Variants in COL3A1 observed in about 807,000 individuals in gnomAD.
COL3A1 encodes collagen alpha-1(III) chain.
In COL3A1, 46 loss-of-function variants were observed where a neutral mutation model predicts 200.9. The observed-to-expected ratio is 0.23, with a 90% CI of 0.18 to 0.29. The LOEUF (loss-of-function observed/expected upper bound fraction) is 0.29. Among genes scored for constraint, COL3A1 ranks in the 10% least tolerant of loss-of-function variants. COL3A1 has a pLI of 1.00. For missense variants in COL3A1, 1,367 were observed against 1,917.6 expected (o/e 0.71, Z 5.36); for synonymous variants, 650 against 628.0 (o/e 1.03, Z -0.52).
chr2:189,011,317 T>G (rs1030673684), intron 50 of COL3A1, among the ~76,000 whole-genome samples: 1 of 152,250 alleles, frequency 6.6e-6, no homozygotes, highest in African/African-American at 2.4e-5. Context: ...GTGAGAGACC[T>G]ATCCTCTTTT....
chr2:188,999,842 G>T lies in COL3A1; in HGVS notation c.2230G>T (p.Gly744Cys). 6.3e-7 allele frequency: 1 copy of T among 1,594,976 alleles called. No individual in the cohort carries two copies. Among genetic ancestry groups the T allele is most frequent in the Non-Finnish European group, 8.5e-7 (1 of 1,171,830 alleles). Reference sequence around the variant, plus strand: ...GATGACATTGGCTTTTATTTGACAGGGTGAACCAGGCGGTCCAGGTGCTGA... The same window carrying T: ...GATGACATTGGCTTTTATTTGACAGTGTGAACCAGGCGGTCCAGGTGCTGA... Reference protein sequence around the residue: ...LGSPGPKGDKGEPGGPGADGV... With the variant: ...LGSPGPKGDKCEPGGPGADGV... The change falls in exon 32 of 51, where the codon GGT becomes TGT. Residue 744 changes from glycine (G) to cysteine (C), a missense_variant and splice_region_variant. Gly to Cys is a radical substitution (Grantham distance 159). Around this residue, in one of 5 missense-constraint regions of COL3A1, gnomAD observed 846 missense variants for 1,147.9 expected, o/e 0.74. Coordinates refer to ENST00000304636, the MANE Select transcript of COL3A1 (RefSeq NM_000090.4).
Position 188,997,703 on chromosome 2 carries a change from C to T in COL3A1, c.1873C>T (p.Pro625Ser), listed in dbSNP as rs747419192. ...GTGTATCATTATACTTTTCTAGGGG[C>T]CTGGTGGTGACAAAGGAGACACAGG... Reference protein sequence around the residue: ...GPQGPPGPTGPGGDKGDTGPP... With the variant: ...GPQGPPGPTGSGGDKGDTGPP... Residue 625 changes from proline (P) to serine (S), a missense_variant, in exon 27 of 51, where the codon CCT (proline) becomes TCT (serine). This residue lies in a region of COL3A1 where 846 missense variants were observed against 1,147.9 expected (regional missense o/e 0.74). Coordinates refer to ENST00000304636, the MANE Select transcript of COL3A1 (RefSeq NM_000090.4). 9 of 1,613,304 alleles carry T rather than the reference C, an allele frequency of 5.6e-6. No individual in the cohort carries two copies. The highest frequency in any genetic ancestry group is 6.8e-6 in the Non-Finnish European group (8 of 1,179,508).
Position 189,008,282 on chromosome 2 carries a change from C to G in COL3A1, c.3525+140C>G. ...TAGAAACTGAACAATGACTTTAAGA[C>G]ATTCTCCATCACATTAAAAATGTTT... On this transcript the variant is annotated intron_variant, in intron 47 of 50. Transcript: ENST00000304636. 4.0e-6 allele frequency: 3 copies of G among 755,874 alleles called. No homozygotes were observed. In the South Asian group the frequency reaches 4.6e-5, roughly 12 times the overall value. The allele number at this position is 755,874 out of a possible 1,614,324, so 46.8% of individuals were successfully genotyped here.
intron 7 of COL3A1, 76 bp from the exon 8 acceptor site, chr2:188,989,320 A>C (rs919435300): frequency 2.8e-6 from 3 of 1,070,710 alleles, no homozygotes; most frequent in Non-Finnish European, 4.1e-6. Flanking sequence ...CCTTCCAGGA[A>C]TACATACACT....
At chr2:189,010,596 C>T (rs972306081) in intron 49 of COL3A1, 52 bp from the exon 50 acceptor site, 29 of 1,611,894 alleles carry the variant, frequency 1.8e-5, no homozygotes, top group Admixed American at 1.5e-4. Flanking sequence ...GAATCCCTCG[C>T]GTGCAGTTAC....
rs1432052308 is a variant in COL3A1 at position 189,007,951 on chromosome 2, G to C, written c.3417+13G>C. ...TGCAGGCCCCAGAGTAAGTAGCACA[G>C]AAAGATATTACAGGTCCACATGTTT... is the stretch of plus-strand genomic sequence containing the variant. On this transcript the variant is annotated intron_variant, in intron 46 of 50. Transcript: ENST00000304636. The C allele has an allele frequency of 1.2e-6, 2 of 1,614,152 alleles. No individual in the cohort carries two copies. The highest frequency in any genetic ancestry group is 1.7e-6 in the Non-Finnish European group (2 of 1,180,024).
chr2:188,985,897 G>A, intron 4 of COL3A1, 119 bp downstream of exon 4: 1 of 734,206 alleles, frequency 1.4e-6, no homozygotes, highest in Non-Finnish European at 2.4e-6. Flanking sequence ...CTGATTCAGT[G>A]TATTTAATAA....
In COL3A1 at chr2:188,989,307, G is replaced by T. The variant is rs924961472; in HGVS notation, c.637-89G>T. 6.6e-6 allele frequency: 6 copies of T among 906,980 alleles called. No individual in the cohort carries two copies. In the African/African-American group the frequency reaches 6.8e-5, roughly 10 times the overall value. 56.2% of individuals were successfully genotyped at this position (906,980 alleles called of 1,614,324 possible). On this transcript the variant is annotated intron_variant, in intron 7 of 50. Coordinates refer to ENST00000304636, the MANE Select transcript of COL3A1 (RefSeq NM_000090.4). ...CATTAAAAGTATTTTCTAAAAGGAGGTTCCTTCCAGGAATACATACACTGT... is the reference window on the plus strand; with the variant it reads ...CATTAAAAGTATTTTCTAAAAGGAGTTTCCTTCCAGGAATACATACACTGT...
chr2:188,998,251 T>C lies in COL3A1; in HGVS notation c.1924-15T>C. 7 of 1,611,556 alleles carry C rather than the reference T, an allele frequency of 4.3e-6. No individual in the cohort carries two copies. The highest frequency in any genetic ancestry group is 5.9e-6 in the Non-Finnish European group (7 of 1,177,926). On this transcript the variant is annotated splice_polypyrimidine_tract_variant and intron_variant, in intron 27 of 50. Transcript: ENST00000304636. ...GTTTGAGGTAATTACCTAATACAAA[T>C]ATGATTCTTTCTAGGGCTTGCCTGG...
chr2:188,983,192 A>C (rs1687990720), intron 1 of COL3A1, among the ~76,000 whole-genome samples: 1 of 151,974 alleles, frequency 6.6e-6, no homozygotes, highest in Admixed American at 6.6e-5. Flanking sequence ...GGGAGGAATT[A>C]GAATAAATTT....
chr2:188,976,037 A>T lies in COL3A1; in HGVS notation c.79+1469A>T, dbSNP rs1286037165. On this transcript the variant is annotated intron_variant, in intron 1 of 50. Coordinates refer to ENST00000304636, the MANE Select transcript of COL3A1 (RefSeq NM_000090.4). Reference sequence around the variant, plus strand: ...CCTCCTCACCCTTTCTTTCCCCTGAACTCTCAATCCTTCTTCCTTTCTCAT... The same window carrying T: ...CCTCCTCACCCTTTCTTTCCCCTGATCTCTCAATCCTTCTTCCTTTCTCAT... 2.0e-5 allele frequency among the ~76,000 whole-genome samples: 3 copies of T among 149,016 alleles called. No individual in the cohort carries two copies. The East Asian group carries it at 6.0e-4, about 30-fold the overall frequency.
In COL3A1 at chr2:188,985,743, C is replaced by G. The variant is rs929037058; in HGVS notation, c.412C>G (p.Pro138Ala). The change falls in exon 4 of 51, where the codon CCT (proline) becomes GCT (alanine). Residue 138 changes from proline to alanine, a missense_variant. By Grantham distance (27) the Pro-to-Ala change is conservative. This residue lies in a region of COL3A1 where 462 missense variants were observed against 681.4 expected (regional missense o/e 0.68). Transcript: ENST00000304636. ...AGGGTCCCCTGGTTCTCCTGGCCCC[C>G]CTGGAATCTGTGAATCATGCCCTAC... ...QPGSPGSPGPPGICESCPTGP... is the reference protein window; with the variant it reads ...QPGSPGSPGPAGICESCPTGP... 2.5e-6 allele frequency: 4 copies of G among 1,611,704 alleles called. No individual in the cohort carries two copies. The highest frequency in any genetic ancestry group is 1.3e-5 in the African/African-American group (1 of 74,756).
chr2:188,994,021 G>GT lies in COL3A1; in HGVS notation c.1150-11dup. The GT allele has an allele frequency of 6.2e-7, 1 of 1,612,216 alleles. No homozygotes were observed. The highest frequency in any genetic ancestry group is 8.5e-7 in the Non-Finnish European group (1 of 1,178,468). ...TTGCATTACTATTAATACATTATCT[G>GT]TTTTTTGTATACTTAGGGCCCTCCT... On this transcript the variant is annotated splice_polypyrimidine_tract_variant and intron_variant, in intron 16 of 50. Coordinates refer to ENST00000304636, the MANE Select transcript of COL3A1 (RefSeq NM_000090.4). This position sits in a 1 kb window ranked among gnomAD's most constrained non-coding sequence, Gnocchi z 4.5.
At chr2:189,003,929 G>A in intron 38 of COL3A1, 53 bp from the exon 39 acceptor site, 1 of 1,565,588 alleles carries the variant, frequency 6.4e-7, no homozygotes, top group Non-Finnish European at 8.7e-7. Flanking sequence ...AAAAAAGAAA[G>A]AAAAAATGCA....
intron 47 of COL3A1, chr2:189,008,346 A>C: frequency 1.7e-6 from 1 of 598,414 alleles, no homozygotes. Flanking sequence ...CTTTTTAAAA[A>C]TTTGATCAGG....
chr2:188,985,025 T>A (rs1383429004), intron 2 of COL3A1, 63 bp downstream of exon 2: 14 of 1,520,836 alleles, frequency 9.2e-6, no homozygotes, highest in Non-Finnish European at 1.1e-5. Context: ...ATAGCTCCTA[T>A]ATCATAGGAG....
rs58220378 is a variant in COL3A1 at position 188,989,623 on chromosome 2, T to C, written c.690+174T>C. 0.11 allele frequency among the ~76,000 whole-genome samples: 17,123 copies of C among 152,102 alleles called. 2,291 individuals carry two copies. The highest frequency in any genetic ancestry group is 0.33 in the African/African-American group (13,613 of 41,412). ...TGAGTAGCTATACAGTATTTGCGTT[T>C]CTATATATATCATTTGTTGAATTCC... On this transcript the variant is annotated intron_variant, in intron 8 of 50. Coordinates refer to ENST00000304636, the MANE Select transcript of COL3A1 (RefSeq NM_000090.4).
intron 1 of COL3A1, among the ~76,000 whole-genome samples, chr2:188,975,622 T>G (rs1429019759): frequency 6.6e-6 from 1 of 152,150 alleles, no homozygotes; most frequent in Admixed American, 6.5e-5. Context: ...GCATGAAAAT[T>G]TGGTTTTTGT....
Position 189,003,116 on chromosome 2 carries a change from A to G in COL3A1, c.2553+54A>G, listed in dbSNP as rs549435324. 4.4e-6 allele frequency: 6 copies of G among 1,372,916 alleles called. No homozygotes were observed. The East Asian group carries it at 7.5e-5, about 17-fold the overall frequency. 85.0% of individuals were successfully genotyped at this position (1,372,916 alleles called of 1,614,324 possible). Reference sequence around the variant, plus strand: ...CTATCTATCATCTATCTATCTATTGATTATCTGTCTATCTCTCCCTCTCTC... The same window carrying G: ...CTATCTATCATCTATCTATCTATTGGTTATCTGTCTATCTCTCCCTCTCTC... On this transcript the variant is annotated intron_variant, in intron 36 of 50. Coordinates refer to ENST00000304636, the MANE Select transcript of COL3A1 (RefSeq NM_000090.4).
Sources: gnomAD v4.1 joint callset for allele counts (sites outside exome capture counted in the v4.1 genomes callset) on GRCh38, gnomAD v4.1.1 for gene constraint, gnomAD v4.1.1 regional missense constraint, Gnocchi (gnomAD v3.1) non-coding constraint, MANE v1.5 for transcripts, NCBI Gene and HGNC (gene_info 2026-07-23, HGNC 2026-07-21) for gene names.